Variants in PDE10A observed in about 807,000 individuals in gnomAD.
PDE10A encodes cAMP and cAMP-inhibited cGMP 3',5'-cyclic phosphodiesterase 10A.
PDE10A carries 39 observed loss-of-function variants against 97.7 expected under a neutral mutation model. The observed-to-expected ratio is 0.40, with a 90% CI of 0.31 to 0.52. The LOEUF is 0.52. Ranked by LOEUF, PDE10A falls within the 20% of genes least tolerant of loss-of-function variation. The pLI is 0.56. For synonymous variants in PDE10A, 371 were observed against 376.8 expected, an observed-to-expected ratio of 0.98 and a Z score of 0.18; for missense variants, 731 against 1,047.8, an observed-to-expected ratio of 0.70 and a Z score of 4.17.
intron 1 of PDE10A, among the ~76,000 whole-genome samples, chr6:165,554,432 T>C (rs968609167): frequency 5.9e-5 from 9 of 152,120 alleles, no homozygotes; most frequent in African/African-American, 1.9e-4. Context: ...TTACTGATCA[T>C]CAGAGAAATG....
intron 1 of PDE10A, among the ~76,000 whole-genome samples, chr6:165,623,088 T>A (rs970308887): frequency 1.3e-5 from 2 of 152,180 alleles, no homozygotes; most frequent in Non-Finnish European, 2.9e-5. Flanking sequence ...CTGTACAGTC[T>A]GCAGACCCAT....
chr6:165,478,436 C>T (rs942471372), intron 3 of PDE10A, among the ~76,000 whole-genome samples: 4 of 152,090 alleles, frequency 2.6e-5, no homozygotes, highest in African/African-American at 9.7e-5. Context: ...CTCATTACAA[C>T]CTTCTCCCTT....
intron 17 of PDE10A, among the ~76,000 whole-genome samples, chr6:165,381,095 A>C (rs1784898042): frequency 6.6e-6 from 1 of 152,248 alleles, no homozygotes; most frequent in Admixed American, 6.5e-5. Flanking sequence ...ATAATATATA[A>C]AATATTCTAG....
At chr6:165,880,415 T>A (rs1781443139) in intron 1 of PDE10A, among the ~76,000 whole-genome samples, 1 of 152,202 alleles carries the variant, frequency 6.6e-6, no homozygotes. Flanking sequence ...TTTGAATCTA[T>A]GTGGACATCT....
At chr6:165,350,491 T>A (rs113782592) in intron 18 of PDE10A, among the ~76,000 whole-genome samples, 1,592 of 152,270 alleles carry the variant, frequency 0.01, 24 homozygotes, top group Non-Finnish European at 0.015. Context: ...GGGACTTGTA[T>A]CAGATGAGAC....
At chr6:165,353,380 T>G (rs1162350873) in intron 18 of PDE10A, among the ~76,000 whole-genome samples, 1 of 152,190 alleles carries the variant, frequency 6.6e-6, no homozygotes, top group Non-Finnish European at 1.5e-5. Context: ...TTATGCTCCT[T>G]AATACTTACC....
chr6:165,912,298 G>C (rs1782485514), intron 1 of PDE10A, among the ~76,000 whole-genome samples: 1 of 151,928 alleles, frequency 6.6e-6, no homozygotes, highest in Admixed American at 6.6e-5. Flanking sequence ...CACTGGTTAT[G>C]GTTCACATTT....
At chr6:165,533,595 T>C (rs1002230993) in intron 2 of PDE10A, among the ~76,000 whole-genome samples, 3 of 152,172 alleles carry the variant, frequency 2.0e-5, no homozygotes, top group African/African-American at 4.8e-5. Context: ...TACTTGCTCA[T>C]TGGCATACTA....
intron 1 of PDE10A, among the ~76,000 whole-genome samples, chr6:165,950,467 G>A (rs1281120096): frequency 2.0e-5 from 3 of 152,190 alleles, no homozygotes; most frequent in Admixed American, 6.5e-5. Flanking sequence ...CGTGTAGGGT[G>A]TGAGAGTGAT....
At chr6:165,424,245 A>G (rs1788949066) in intron 10 of PDE10A, among the ~76,000 whole-genome samples, 1 of 152,124 alleles carries the variant, frequency 6.6e-6, no homozygotes, top group Non-Finnish European at 1.5e-5. Flanking sequence ...TATGCTCCTT[A>G]ATAGGCCTGA....
intron 1 of PDE10A, among the ~76,000 whole-genome samples, chr6:165,589,211 G>T (rs1365251536): frequency 6.6e-6 from 1 of 152,166 alleles, no homozygotes; most frequent in Non-Finnish European, 1.5e-5. Flanking sequence ...TACAAGCAAG[G>T]TACAGGGGAA....
intron 3 of PDE10A, among the ~76,000 whole-genome samples, chr6:165,462,362 T>A (rs369320273): frequency 6.6e-6 from 1 of 152,188 alleles, no homozygotes; most frequent in African/African-American, 2.4e-5. Context: ...CTGAACAGTA[T>A]CTACAGAAAC....
intron 1 of PDE10A, among the ~76,000 whole-genome samples, chr6:165,807,892 G>C (rs151167831): frequency 6.6e-6 from 1 of 152,152 alleles, no homozygotes; most frequent in African/African-American, 2.4e-5. Flanking sequence ...GCTACAATCT[G>C]TTTTCTTCTA....
rs530554913 is a variant in PDE10A, at chr6:165,813,718, T to G, written c.-615+173811A>C. ...TTTATTCAGTGGAAAACAACAAAGT[T>G]GATTCAAAAGTCAAAGACCTAAGAG... On this transcript the variant is annotated intron_variant, in intron 1 of 19. Coordinates refer to the PDE10A transcript ENST00000366882. Among the ~76,000 whole-genome samples, 6 of 152,144 alleles carry G rather than the reference T, an allele frequency of 3.9e-5. No homozygotes were observed. In the East Asian group the frequency reaches 1.2e-3, roughly 29 times the overall value.
intron 2 of PDE10A, among the ~76,000 whole-genome samples, chr6:165,511,368 T>C (rs1360222802): frequency 6.6e-6 from 1 of 152,070 alleles, no homozygotes; most frequent in Non-Finnish European, 1.5e-5. Flanking sequence ...TCAAGTTTTA[T>C]TGTAGTCTGA....
chr6:165,530,014 A>T (rs1782677046), intron 2 of PDE10A, among the ~76,000 whole-genome samples: 1 of 152,096 alleles, frequency 6.6e-6, no homozygotes, highest in South Asian at 2.1e-4. Context: ...ACCCACCCTT[A>T]AGCTGGTGGG....
chr6:165,549,077 T>G (rs903708450), intron 1 of PDE10A, among the ~76,000 whole-genome samples: 6 of 152,216 alleles, frequency 3.9e-5, no homozygotes, highest in African/African-American at 1.4e-4. Flanking sequence ...TCTCAACAGC[T>G]TCCATCCTCT....
chr6:165,478,404 G>T (rs187961681), intron 3 of PDE10A, among the ~76,000 whole-genome samples: 148 of 152,212 alleles, frequency 9.7e-4, no homozygotes, highest in Non-Finnish European at 1.8e-3. Context: ...GGCAATGATG[G>T]GGGGGAGGGG....
intron 18 of PDE10A, among the ~76,000 whole-genome samples, chr6:165,351,486 T>A (rs908029870): frequency 2.6e-5 from 4 of 152,218 alleles, no homozygotes; most frequent in African/African-American, 7.2e-5. Context: ...CATGAGTATA[T>A]GACCACATGA....
Sources: allele counts gnomAD v4.1 joint callset (sites outside exome capture counted in the v4.1 genomes callset), GRCh38; gene constraint gnomAD v4.1.1; transcripts MANE v1.5; gene names NCBI Gene and HGNC (gene_info 2026-07-23, HGNC 2026-07-21).